CATSPER2: variants seen among roughly 807,000 people sequenced by gnomAD.
The protein encoded by CATSPER2 is cation channel sperm-associated protein 2.
In CATSPER2, 56 loss-of-function variants were observed where a neutral mutation model predicts 68.8. That is an observed-to-expected ratio of 0.81 (90% CI 0.66 to 1.02). CATSPER2 has a LOEUF of 1.02. Ranked by LOEUF, CATSPER2 falls within the 50% of genes least tolerant of loss-of-function variation. The probability of loss-of-function intolerance (pLI) is 0.00; values close to 1 mark genes in which losing one functional copy is unlikely to be tolerated. For synonymous variants in CATSPER2, 198 were observed against 229.9 expected (o/e 0.86, Z 1.26); for missense variants, 582 against 642.0 (o/e 0.91, Z 1.01).
Position 43,635,751 on chromosome 15 carries a change from A to G in CATSPER2, c.1097T>C (p.Met366Thr), listed in dbSNP as rs1294228882. 6.2e-7 allele frequency: 1 copy of G among 1,613,470 alleles called. No individual in the cohort carries two copies. The highest frequency in any genetic ancestry group is 8.5e-7 in the Non-Finnish European group (1 of 1,179,672). The stretch of plus-strand genomic sequence containing the variant: ...CCTCTGGATGATCTGCCGCTTGAAC[A>G]TGTCAGCTTTGAGCTGAACCTCCCG... ...ARREVQLKAD[M>T]FKRQIIQRRK... The change falls in exon 9 of 13, where the codon ATG (methionine) becomes ACG (threonine). Residue 366 changes from methionine to threonine, a missense_variant. Met to Thr is a moderately conservative substitution (Grantham distance 81). Transcript: ENST00000396879.
At chr15:43,631,348 A>T (rs1043768257) in intron 12 of CATSPER2, 4 of 184,938 alleles carry the variant, frequency 2.2e-5, no homozygotes, top group African/African-American at 9.6e-5. Context: ...CTCATGCCTC[A>T]GCCTCCCGAG....
At chr15:43,640,768 C>T (rs2086058012) in intron 4 of CATSPER2, among the ~76,000 whole-genome samples, 1 of 151,816 alleles carries the variant, frequency 6.6e-6, no homozygotes, top group African/African-American at 2.4e-5. Flanking sequence ...CACTCTGGGG[C>T]TCACACAGCT....
intron 4 of CATSPER2, among the ~76,000 whole-genome samples, chr15:43,641,822 A>G (rs2086079885): frequency 6.6e-6 from 1 of 151,926 alleles, no homozygotes; most frequent in Admixed American, 6.6e-5. Context: ...GCCTCTGGGT[A>G]ACTGGGACCA....
rs2086031307 is a variant in CATSPER2, at chr15:43,639,426, T to A, written c.717+217A>T. The A allele has an allele frequency of 3.0e-5, 14 of 465,788 alleles. No homozygotes were observed. In the South Asian group the frequency reaches 3.5e-4, roughly 12 times the overall value. The allele number at this position is 465,788 out of a possible 1,614,324, so 28.9% of individuals were successfully genotyped here. A position where few individuals can be genotyped will look rare whatever the true frequency, so the allele number is the denominator to read the frequency against. ...AGCCCGGCAATTTTTTTTTTTTTTT[T>A]TTTTTTTTTTTGGTATTTTTAGTAG... On this transcript the variant is annotated intron_variant, in intron 6 of 12. Transcript: ENST00000396879.
At position 43,638,812 on chromosome 15, in the gene CATSPER2, C is replaced by A; in HGVS notation, c.842+92G>T. 2.7e-6 allele frequency: 4 copies of A among 1,463,836 alleles called. No homozygotes were observed. The South Asian group carries it at 4.6e-5, about 17-fold the overall frequency. The allele number at this position is 1,463,836 out of a possible 1,614,324, so 90.7% of individuals were successfully genotyped here. Reference sequence around the variant, plus strand: ...TTCTATTTCAGTTTCTTGGAATAGACTGCACTTTTTATATTACTATACTTT... The same window carrying A: ...TTCTATTTCAGTTTCTTGGAATAGAATGCACTTTTTATATTACTATACTTT... On this transcript the variant is annotated intron_variant, in intron 7 of 12. Coordinates refer to ENST00000396879, the MANE Select transcript of CATSPER2 (RefSeq NM_172095.4).
chr15:43,647,979 A>C lies in CATSPER2; in HGVS notation c.83T>G (p.Leu28Arg). Residue 28 changes from leucine (L) to arginine (R), a missense_variant, in exon 2 of 13, where the codon CTC becomes CGC. Around this residue, in one of 5 missense-constraint regions of CATSPER2, gnomAD observed 197 missense variants for 191.0 expected, o/e 1.03. Coordinates refer to ENST00000396879, the MANE Select transcript of CATSPER2 (RefSeq NM_172095.4). The stretch of plus-strand genomic sequence containing the variant: ...GCTCAAGCCTTGCAAATGCTCAATG[A>C]GAGAGAAAGTATCGATGAGACGTGA... ...IRSRLIDTFS[L>R]IEHLQGLSQA... is the part of the protein sequence containing the mutation. The C allele has an allele frequency of 6.2e-7, 1 of 1,613,682 alleles. No individual in the cohort carries two copies. The highest frequency in any genetic ancestry group is 8.5e-7 in the Non-Finnish European group (1 of 1,179,762).
chr15:43,637,980 T>C (rs1032307149), intron 7 of CATSPER2, among the ~76,000 whole-genome samples: 3 of 151,174 alleles, frequency 2.0e-5, no homozygotes, highest in Non-Finnish European at 4.4e-5. Flanking sequence ...GGAGATGGAG[T>C]TTCACTCTTT....
In CATSPER2 at chr15:43,648,807, C is replaced by A. The variant is rs1365552013; in HGVS notation, c.-181G>T. 1.3e-6 allele frequency: 2 copies of A among 1,532,718 alleles called. No homozygotes were observed. The highest frequency in any genetic ancestry group is 4.0e-5 in the Admixed American group (2 of 50,542). The allele number at this position is 1,532,718 out of a possible 1,614,324, so 94.9% of individuals were successfully genotyped here. A position where few individuals can be genotyped will look rare whatever the true frequency, so the allele number is the denominator to read the frequency against. On this transcript the variant is annotated 5_prime_UTR_variant, in exon 1 of 13. The change creates a new upstream start codon in the 5' untranslated region. Transcript: ENST00000396879. ...TTTCGGCTCACCCCGGGACCCGGCCCTAGCCCCTACCCACAGCCCAGGACC... is the reference window on the plus strand; with the variant it reads ...TTTCGGCTCACCCCGGGACCCGGCCATAGCCCCTACCCACAGCCCAGGACC...
rs2086190785 is a variant in CATSPER2, at chr15:43,647,435, C to T, written c.178G>A (p.Asp60Asn). ...PSRQKKLVLG[D>N]QHQLVRFSIK... ...GAGAAACGCACTAGCTGGTGTTGATCTCCCAATACAAGTTTCTTCTGGCGG... is the reference window on the plus strand; with the variant it reads ...GAGAAACGCACTAGCTGGTGTTGATTTCCCAATACAAGTTTCTTCTGGCGG... Residue 60 changes from aspartate to asparagine, a missense_variant, in exon 3 of 13, where the codon GAT (aspartate) becomes AAT (asparagine). Asp to Asn is a conservative substitution (Grantham distance 23). Coordinates refer to ENST00000396879, the MANE Select transcript of CATSPER2 (RefSeq NM_172095.4). 1 of 1,613,428 alleles carries T rather than the reference C, an allele frequency of 6.2e-7. No homozygotes were observed. Among genetic ancestry groups the T allele is most frequent in the South Asian group, 1.1e-5 (1 of 91,038 alleles).
Position 43,639,803 on chromosome 15 carries a change from G to A in CATSPER2, c.562-5C>T. 6.2e-7 allele frequency: 1 copy of A among 1,611,426 alleles called. No homozygotes were observed. The highest frequency in any genetic ancestry group is 1.1e-5 in the South Asian group (1 of 90,946). ...CACAACCTCGGGAAGCAGGGACTGT[G>A]GAAAACACACAGGTTATAAGTAAAA... is the stretch of plus-strand genomic sequence containing the variant. On this transcript the variant is annotated splice_region_variant and splice_polypyrimidine_tract_variant and intron_variant, in intron 5 of 12. Coordinates refer to ENST00000396879, the MANE Select transcript of CATSPER2 (RefSeq NM_172095.4).
intron 7 of CATSPER2, 56 bp downstream of exon 7, chr15:43,638,848 C>T: frequency 6.2e-7 from 1 of 1,604,412 alleles, no homozygotes; most frequent in East Asian, 2.2e-5. Context: ...GGACAAGCTT[C>T]CTGGTCTCTT....
In CATSPER2 at chr15:43,647,971, G is replaced by C; in HGVS notation, c.91C>G (p.His31Asp). The C allele has an allele frequency of 1.9e-6, 3 of 1,613,694 alleles. No homozygotes were observed. The highest frequency in any genetic ancestry group is 2.5e-6 in the Non-Finnish European group (3 of 1,179,772). ...RLIDTFSLIE[H>D]LQGLSQAVPR... ...ACAGCTTGGCTCAAGCCTTGCAAAT[G>C]CTCAATGAGAGAGAAAGTATCGATG... Residue 31 changes from histidine (H) to aspartate (D), a missense_variant, in exon 2 of 13, where the codon CAT becomes GAT. By Grantham distance (81) the His-to-Asp change is moderately conservative (BLOSUM62 -1). Coordinates refer to ENST00000396879, the MANE Select transcript of CATSPER2 (RefSeq NM_172095.4).
At position 43,639,306 on chromosome 15, in the gene CATSPER2, G is replaced by A. The variant is rs1375494250; in HGVS notation, c.718-278C>T. On this transcript the variant is annotated intron_variant, in intron 6 of 12. Coordinates refer to ENST00000396879, the MANE Select transcript of CATSPER2 (RefSeq NM_172095.4). ...GTCGCCTAGGCTAGAGTGCAGTGGC[G>A]CAGTCTCGGCTCACTGCAACTTCCG... 14 of 461,478 alleles carry A rather than the reference G, an allele frequency of 3.0e-5. 1 individual carries two copies. Among genetic ancestry groups the A allele is most frequent in the South Asian group, 6.6e-5 (3 of 45,758 alleles). The allele number at this position is 461,478 out of a possible 1,614,324, so 28.6% of individuals were successfully genotyped here.
chr15:43,648,156 A>G lies in CATSPER2; in HGVS notation c.-2-93T>C, dbSNP rs958672054. The stretch of plus-strand genomic sequence containing the variant: ...CTGTCCCCTCCTCCCCACCCTCTTT[A>G]CCCTTAAGATTCCTTAATGTACCCA... On this transcript the variant is annotated intron_variant, in intron 1 of 12. Transcript: ENST00000396879. 68 of 1,448,158 alleles carry G rather than the reference A, an allele frequency of 4.7e-5. 1 individual carries two copies. Among genetic ancestry groups the G allele is most frequent in the African/African-American group, 1.7e-4 (12 of 71,382 alleles). The allele number at this position is 1,448,158 out of a possible 1,614,324, so 89.7% of individuals were successfully genotyped here.
intron 7 of CATSPER2, chr15:43,637,550 T>A (rs1229658390): frequency 6.6e-6 from 1 of 151,976 alleles, no homozygotes; most frequent in Non-Finnish European, 1.5e-5. Context: ...CAAGATTGAA[T>A]TCTAATTCAT....
Position 43,635,743 on chromosome 15 carries a change from G to T in CATSPER2, c.1105C>A (p.Arg369=). ...EVQLKADMFK[R]QIIQRRKNMS... The stretch of plus-strand genomic sequence containing the variant: ...GAAGCAGACCTCTGGATGATCTGCC[G>T]CTTGAACATGTCAGCTTTGAGCTGA... Residue 369 remains arginine, a synonymous_variant, in exon 9 of 13, where the codon CGG becomes AGG. Transcript: ENST00000396879. 1 of 1,613,004 alleles carries T rather than the reference G, an allele frequency of 6.2e-7. No homozygotes were observed. Among genetic ancestry groups the T allele is most frequent in the Non-Finnish European group, 8.5e-7 (1 of 1,179,394 alleles).
chr15:43,648,607 C>T, intron 1 of CATSPER2, 22 bp downstream of exon 1: 1 of 1,385,348 alleles, frequency 7.2e-7, no homozygotes, highest in Non-Finnish European at 9.3e-7. Context: ...TTCTCTCCTC[C>T]ATTCTCGCTT....
intron 4 of CATSPER2, among the ~76,000 whole-genome samples, chr15:43,645,755 T>G (rs1394777766): frequency 1.3e-5 from 2 of 151,870 alleles, no homozygotes; most frequent in African/African-American, 4.8e-5. Flanking sequence ...ATCACACCAC[T>G]GCACTCCAGC....
In CATSPER2 at chr15:43,636,165, C is replaced by T; in HGVS notation, c.897G>A (p.Trp299Ter). 6.2e-7 allele frequency: 1 copy of T among 1,611,000 alleles called. No individual in the cohort carries two copies. Among genetic ancestry groups the T allele is most frequent in the South Asian group, 1.1e-5 (1 of 90,816 alleles). The stretch of plus-strand genomic sequence containing the variant: ...TCCAGACGTCCTGAAGCAGTGCATA[C>T]CAATGATCCAAGGTGAAGAGAATGA... ...TVFILFTLDH[W>*]YALLQDVWKV... Residue 299 changes from tryptophan (W) to a stop codon, truncating the protein, a stop_gained, in exon 8 of 13, where the codon TGG (tryptophan) becomes TGA (stop). Transcript: ENST00000396879. LOFTEE classifies it high-confidence loss of function.
Sources: gnomAD v4.1 joint callset for allele counts (sites outside exome capture counted in the v4.1 genomes callset) on GRCh38, gnomAD v4.1.1 for gene constraint, gnomAD v4.1.1 regional missense constraint, MANE v1.5 for transcripts, NCBI Gene and HGNC (gene_info 2026-07-23, HGNC 2026-07-21) for gene names.